GRIA2: variants seen among roughly 807,000 people sequenced by gnomAD.
GRIA2 encodes the protein glutamate ionotropic receptor AMPA type subunit 2.
GRIA2 carries 14 observed loss-of-function variants against 97.3 expected under a neutral mutation model. The ratio of observed to expected loss-of-function variants is 0.14; its 90% CI spans 0.10 to 0.23. The LOEUF (loss-of-function observed/expected upper bound fraction) is 0.23. GRIA2 is among the 10% of genes least tolerant of loss of function. The probability of loss-of-function intolerance (pLI) is 1.00; values close to 1 mark genes in which losing one functional copy is unlikely to be tolerated. For missense variants in GRIA2, 558 were observed against 1,069.8 expected, an observed-to-expected ratio of 0.52 and a Z score of 6.67; for synonymous variants, 412 against 387.8, an observed-to-expected ratio of 1.06 and a Z score of -0.73.
At chr4:157,228,921 G>A (rs775719402) in intron 2 of GRIA2, among the ~76,000 whole-genome samples, 2 of 130,522 alleles carry the variant, frequency 1.5e-5, no homozygotes, top group South Asian at 2.5e-4. Flanking sequence ...GCCCCTGACC[G>A]TTATGGGTCT....
chr4:157,357,679 A>G (rs1049247652), intron 12 of GRIA2, among the ~76,000 whole-genome samples: 1 of 152,094 alleles, frequency 6.6e-6, no homozygotes, highest in Non-Finnish European at 1.5e-5. Context: ...TAGGTGACCT[A>G]ACATACCAGA....
intron 2 of GRIA2, among the ~76,000 whole-genome samples, chr4:157,244,588 CA>C (rs886723113): frequency 6.6e-6 from 1 of 151,982 alleles, no homozygotes; most frequent in Admixed American, 6.6e-5. Context: ...TCTTCAGCAA[CA>C]AAGAGTTTTT....
intron 6 of GRIA2, among the ~76,000 whole-genome samples, chr4:157,324,475 G>A (rs1734718487): frequency 6.6e-6 from 1 of 152,270 alleles, no homozygotes; most frequent in Admixed American, 6.5e-5. Flanking sequence ...CCATGATTTT[G>A]ACAATGTTTG....
At chr4:157,230,121 T>C (rs979663623) in intron 2 of GRIA2, among the ~76,000 whole-genome samples, 2 of 152,186 alleles carry the variant, frequency 1.3e-5, no homozygotes, top group Non-Finnish European at 2.9e-5. Context: ...TAACTTGATA[T>C]AAGAAAAGTT....
chr4:157,256,259 T>C (rs1731264991), intron 2 of GRIA2, among the ~76,000 whole-genome samples: 1 of 137,060 alleles, frequency 7.3e-6, no homozygotes, highest in African/African-American at 2.8e-5. Context: ...ATATAAATTA[T>C]ATATTACATA....
chr4:157,240,322 T>A (rs1468074175), intron 2 of GRIA2, among the ~76,000 whole-genome samples: 3 of 152,134 alleles, frequency 2.0e-5, no homozygotes, highest in Admixed American at 1.3e-4. Flanking sequence ...ATACATTAAA[T>A]TTTTCTTCAA....
In GRIA2 at chr4:157,317,702, T is replaced by C. The variant is rs1038722611; in HGVS notation, c.711T>C (p.Ile237=). The C allele has an allele frequency of 4.9e-6, 6 of 1,228,154 alleles. No individual in the cohort carries two copies. The highest frequency in any genetic ancestry group is 1.2e-5 in the South Asian group (1 of 80,214). The allele number at this position is 1,228,154 out of a possible 1,614,324, so 76.1% of individuals were successfully genotyped here. The change falls in exon 5 of 16, where the codon ATT becomes ATC. Residue 237 remains isoleucine, a synonymous_variant. Coordinates refer to ENST00000264426, the MANE Select transcript of GRIA2 (RefSeq NM_001083619.3). Reference sequence around the variant, plus strand: ...ATGTTAAAGGGTACCACTACATCATTGCAAATCTGGTAGGTGAATTAATTG... The same window carrying C: ...ATGTTAAAGGGTACCACTACATCATCGCAAATCTGGTAGGTGAATTAATTG... The part of the protein sequence containing the change: ...GKHVKGYHYI[I]ANLGFTDGDL...
In GRIA2 at chr4:157,336,311, A is replaced by G. The variant is rs1336030182; in HGVS notation, c.1474-66A>G. On this transcript the variant is annotated intron_variant, in intron 10 of 15. Coordinates refer to ENST00000264426, the MANE Select transcript of GRIA2 (RefSeq NM_001083619.3). Reference sequence around the variant, plus strand: ...CCTCTCCTTTTTCTTTGATCCAGTGACATAACCACGATTCCTTTTTCACCA... The same window carrying G: ...CCTCTCCTTTTTCTTTGATCCAGTGGCATAACCACGATTCCTTTTTCACCA... 4.7e-6 allele frequency: 6 copies of G among 1,269,580 alleles called. No homozygotes were observed. In the East Asian group the frequency reaches 1.2e-4, roughly 25 times the overall value. 78.6% of individuals were successfully genotyped at this position (1,269,580 alleles called of 1,614,324 possible).
At chr4:157,252,886 A>C (rs184266604) in intron 2 of GRIA2, among the ~76,000 whole-genome samples, 293 of 152,236 alleles carry the variant, frequency 1.9e-3, no homozygotes, top group East Asian at 0.011. Context: ...TAAAATTGCT[A>C]TCTAGTTCAA....
In GRIA2 at chr4:157,363,556, G is replaced by C. The variant is rs1736736131; in HGVS notation, c.*125G>C. On this transcript the variant is annotated 3_prime_UTR_variant, in exon 16 of 16. Transcript: ENST00000264426. ...GCAGTGCATGCTGTCCCTTACGTGAGTCCTGGCATGGGAATGAATGTCAGT... is the reference window on the plus strand; with the variant it reads ...GCAGTGCATGCTGTCCCTTACGTGACTCCTGGCATGGGAATGAATGTCAGT... 8.1e-7 allele frequency: 1 copy of C among 1,234,748 alleles called. No individual in the cohort carries two copies. Among genetic ancestry groups the C allele is most frequent in the East Asian group, 3.2e-5 (1 of 31,704 alleles). 76.5% of individuals were successfully genotyped at this position (1,234,748 alleles called of 1,614,324 possible).
chr4:157,335,178 G>T (rs1466213380), intron 9 of GRIA2: 2 of 172,748 alleles, frequency 1.2e-5, no homozygotes, highest in Middle Eastern at 2.9e-3. Flanking sequence ...ACATCATCAT[G>T]ACAATGATCC....
chr4:157,341,550 G>A (rs1350046501), intron 12 of GRIA2, 88 bp downstream of exon 12: 3 of 879,270 alleles, frequency 3.4e-6, no homozygotes, highest in African/African-American at 1.7e-5. Flanking sequence ...CAATTCCAAG[G>A]TACTATGTGA....
intron 2 of GRIA2, among the ~76,000 whole-genome samples, chr4:157,227,691 T>C (rs2126683132): frequency 6.6e-6 from 1 of 152,334 alleles, no homozygotes; most frequent in South Asian, 2.1e-4. Context: ...CTTTTTACAG[T>C]AGATTGTACT....
At chr4:157,305,982 TAGAA>T (rs1364955734) in intron 3 of GRIA2, among the ~76,000 whole-genome samples, 1 of 152,258 alleles carries the variant, frequency 6.6e-6, no homozygotes, top group South Asian at 2.1e-4. Flanking sequence ...CAGATAATGC[TAGAA>T]AGAGAGTTAA....
intron 2 of GRIA2, among the ~76,000 whole-genome samples, chr4:157,273,206 A>G (rs1033791107): frequency 6.6e-6 from 1 of 152,108 alleles, no homozygotes; most frequent in Non-Finnish European, 1.5e-5. Flanking sequence ...ATGTTACACC[A>G]TTTTATATAA....
intron 2 of GRIA2, among the ~76,000 whole-genome samples, chr4:157,283,440 T>G (rs576476773): frequency 6.6e-6 from 1 of 151,964 alleles, no homozygotes; most frequent in Non-Finnish European, 1.5e-5. Flanking sequence ...AATGTGATAT[T>G]TCTAAGTATT....
chr4:157,283,271 T>C (rs1295746043), intron 2 of GRIA2, among the ~76,000 whole-genome samples: 2 of 151,902 alleles, frequency 1.3e-5, no homozygotes, highest in Non-Finnish European at 2.9e-5. Flanking sequence ...AAGTTTGAGA[T>C]TGTCGGACTT....
intron 2 of GRIA2, among the ~76,000 whole-genome samples, chr4:157,280,599 G>A (rs1231831455): frequency 6.6e-6 from 1 of 151,956 alleles, no homozygotes; most frequent in African/African-American, 2.4e-5. Context: ...GAGTCAGCTG[G>A]GAGCTGGGAT....
intron 2 of GRIA2, among the ~76,000 whole-genome samples, chr4:157,234,725 C>A (rs756999127): frequency 3.4e-4 from 52 of 152,108 alleles, no homozygotes; most frequent in Admixed American, 9.8e-4. Flanking sequence ...AGGTCACTAT[C>A]ATCTTTTTCA....
Sources: allele counts gnomAD v4.1 joint callset (sites outside exome capture counted in the v4.1 genomes callset), GRCh38; gene constraint gnomAD v4.1.1; transcripts MANE v1.5; gene names NCBI Gene and HGNC (gene_info 2026-07-23, HGNC 2026-07-21).